The following HPD variants were observed in gnomAD, a reference collection of about 807,000 sequenced individuals.
HPD encodes 4-hydroxyphenylpyruvic acid oxidase.
Under a neutral mutation model 56.9 loss-of-function variants are expected in HPD, and 35 were observed. That is an observed-to-expected ratio of 0.62 (90% CI 0.47 to 0.82). The LOEUF (loss-of-function observed/expected upper bound fraction) is 0.82. HPD is among the 40% of genes least tolerant of loss of function. The probability of loss-of-function intolerance (pLI) is 0.00; values close to 1 mark genes in which losing one functional copy is unlikely to be tolerated. For synonymous variants in HPD, 186 were observed against 200.2 expected, an observed-to-expected ratio of 0.93 and a Z score of 0.60; for missense variants, 442 against 506.8, an observed-to-expected ratio of 0.87 and a Z score of 1.23.
At position 121,854,796 on chromosome 12, in the gene HPD, C is replaced by A. The variant is rs757958827; in HGVS notation, c.325-4G>T. On this transcript the variant is annotated splice_region_variant and splice_polypyrimidine_tract_variant and intron_variant, in intron 6 of 13. Transcript: ENST00000289004. ...TGGCGCCCCGTTCCCGTGCTTTCTG[C>A]AGAGAAGATGGGATCGGGGAATTGG... 3.1e-6 allele frequency: 5 copies of A among 1,611,436 alleles called. No individual in the cohort carries two copies. In the African/African-American group the frequency reaches 5.3e-5, roughly 17 times the overall value.
chr12:121,883,179 G>GT, the HPD span, among the ~76,000 whole-genome samples: 15 of 117,434 alleles, frequency 1.3e-4, no homozygotes, highest in African/African-American at 4.1e-4. Flanking sequence ...TGGAGCATAA[G>GT]TTGTGTGTGT....
At chr12:121,856,798 G>A in intron 4 of HPD, 173 bp from the exon 5 acceptor site, 1 of 678,434 alleles carries the variant, frequency 1.5e-6, no homozygotes, top group South Asian at 1.7e-5. Flanking sequence ...TGAGGGATGG[G>A]GCTTTCAGCC....
chr12:121,867,247 G>C (rs1274619548), upstream of HPD, among the ~76,000 whole-genome samples: 1 of 151,646 alleles, frequency 6.6e-6, no homozygotes, highest in Admixed American at 6.6e-5. Context: ...AGTGACTCAG[G>C]AGGCTGACGC....
the HPD span, among the ~76,000 whole-genome samples, chr12:121,886,753 A>G: frequency 6.6e-6 from 1 of 152,124 alleles, no homozygotes. Context: ...ACACTGATAT[A>G]CTATAATTTA....
chr12:121,868,877 C>G, the HPD span, among the ~76,000 whole-genome samples: 1 of 151,922 alleles, frequency 6.6e-6, no homozygotes, highest in African/African-American at 2.4e-5. Context: ...TATAAGAGTT[C>G]TCTTTGTTTG....
chr12:121,873,810 C>T, the HPD span, among the ~76,000 whole-genome samples: 1 of 84,484 alleles, frequency 1.2e-5, no homozygotes, highest in African/African-American at 4.4e-5. Flanking sequence ...ACAGAGACTC[C>T]GTCTCAAAAA....
At chr12:121,862,183 T>C (rs1364633332), upstream of HPD, among the ~76,000 whole-genome samples, 2 of 152,212 alleles carry the variant, frequency 1.3e-5, no homozygotes, top group Non-Finnish European at 2.9e-5. Flanking sequence ...GGCCATATGC[T>C]GTGCAAACAT....
At chr12:121,861,817 C>G (rs565676818), upstream of HPD, among the ~76,000 whole-genome samples, 1 of 152,098 alleles carries the variant, frequency 6.6e-6, no homozygotes, top group Admixed American at 6.6e-5. Context: ...CTCTTAGCCT[C>G]GAGACAAACA....
chr12:121,864,466 T>C (rs1457220942), upstream of HPD, among the ~76,000 whole-genome samples: 1 of 150,588 alleles, frequency 6.6e-6, no homozygotes, highest in Non-Finnish European at 1.5e-5. Flanking sequence ...GTGGGGAAGA[T>C]CTCTTGAGCC....
chr12:121,850,514 C>G (rs1400395807), intron 7 of HPD, among the ~76,000 whole-genome samples: 2 of 144,628 alleles, frequency 1.4e-5, no homozygotes, highest in Admixed American at 7.0e-5. Flanking sequence ...CACTCTGTCA[C>G]TCAGGCTGGA....
upstream of HPD, among the ~76,000 whole-genome samples, chr12:121,868,039 A>G (rs192020040): frequency 2.2e-3 from 337 of 152,248 alleles, no homozygotes; most frequent in Admixed American, 3.4e-3. Flanking sequence ...AATACTGCTC[A>G]TTGGCCAGGC....
Position 121,843,654 on chromosome 12 carries a change from T to G in HPD, c.954+56A>C, listed in dbSNP as rs1019403397. 48 of 1,605,820 alleles carry G rather than the reference T, an allele frequency of 3.0e-5. No homozygotes were observed. In the South Asian group the frequency reaches 5.2e-4, roughly 17 times the overall value. ...GGCTGAGACAATATTTCTGAAAAGATGCAATGCAGAGCTCATACTCCCCCC... is the reference window on the plus strand; with the variant it reads ...GGCTGAGACAATATTTCTGAAAAGAGGCAATGCAGAGCTCATACTCCCCCC... On this transcript the variant is annotated intron_variant, in intron 12 of 13. Transcript: ENST00000289004.
intron 7 of HPD, among the ~76,000 whole-genome samples, chr12:121,851,772 C>T (rs374884867): frequency 0.69 from 14,297 of 20,610 alleles, 5,658 homozygotes; most frequent in Non-Finnish European, 0.75. Context: ...TGCAGTGGCG[C>T]GATCTCGGCT....
At chr12:121,873,681 G>A in the HPD span, among the ~76,000 whole-genome samples, 340 of 152,240 alleles carry the variant, frequency 2.2e-3, no homozygotes, top group African/African-American at 7.8e-3. Context: ...TTAGCTGGGC[G>A]TGCTGGCGGG....
intron 11 of HPD, among the ~76,000 whole-genome samples, chr12:121,845,684 C>T (rs2137614242): frequency 6.6e-6 from 1 of 152,210 alleles, no homozygotes; most frequent in East Asian, 1.9e-4. Context: ...AGTCCTCCTG[C>T]CTCGGCCTCC....
chr12:121,881,135 C>T, the HPD span, among the ~76,000 whole-genome samples: 6 of 152,204 alleles, frequency 3.9e-5, no homozygotes, highest in Non-Finnish European at 7.3e-5. Context: ...GCTCCACGCT[C>T]TGCCCAGGTA....
At chr12:121,878,388 G>A in the HPD span, among the ~76,000 whole-genome samples, 18 of 152,150 alleles carry the variant, frequency 1.2e-4, no homozygotes, top group South Asian at 1.5e-3. Flanking sequence ...TCACTCTGTC[G>A]CCCAGGCTGG....
chr12:121,845,347 A>G lies in HPD; in HGVS notation c.831+1515T>C, dbSNP rs1037413361. ...CGCAGTGGCTCACACCTGTAATCCC[A>G]GCACTTTGGGAGGCCAAGGTGGGCA... On this transcript the variant is annotated intron_variant, in intron 11 of 13. Transcript: ENST00000289004. 2.7e-5 allele frequency among the ~76,000 whole-genome samples: 4 copies of G among 149,526 alleles called. No homozygotes were observed. The East Asian group carries it at 7.7e-4, about 29-fold the overall frequency.
At chr12:121,880,795 T>C in the HPD span, among the ~76,000 whole-genome samples, 9 of 151,930 alleles carry the variant, frequency 5.9e-5, no homozygotes, top group Admixed American at 5.9e-4. Flanking sequence ...CCAGGCAGTA[T>C]CTTATTATTG....
Sources: gnomAD v4.1 joint callset for allele counts (sites outside exome capture counted in the v4.1 genomes callset) on GRCh38, gnomAD v4.1.1 for gene constraint, MANE v1.5 for transcripts, NCBI Gene and HGNC (gene_info 2026-07-23, HGNC 2026-07-21) for gene names.